RBM27: variants seen among roughly 807,000 people sequenced by gnomAD.
RBM27 encodes the protein RNA binding motif protein 27, also known as RNA-binding protein 27.
RBM27 carries 22 observed loss-of-function variants against 135.3 expected under a neutral mutation model. The ratio of observed to expected loss-of-function variants is 0.16; its 90% CI spans 0.12 to 0.23. RBM27 has a LOEUF of 0.23. Ranked by LOEUF, RBM27 falls within the 10% of genes least tolerant of loss-of-function variation. The pLI is 1.00. For missense variants in RBM27, 1,009 were observed against 1,281.0 expected (o/e 0.79, Z 3.24); for synonymous variants, 481 against 442.4 (o/e 1.09, Z -1.10).
At chr5:146,207,991 C>G (rs1166484560) in intron 1 of RBM27, among the ~76,000 whole-genome samples, 9 of 125,872 alleles carry the variant, frequency 7.2e-5, no homozygotes, top group Non-Finnish European at 1.1e-4. Flanking sequence ...GAGTCTTGCT[C>G]TGTTGCCCAG....
At chr5:146,234,525 A>AC (rs1046961167) in intron 7 of RBM27, among the ~76,000 whole-genome samples, 6 of 151,668 alleles carry the variant, frequency 4.0e-5, no homozygotes, top group African/African-American at 1.2e-4. Flanking sequence ...TATTTAAAAA[A>AC]AAAAATCAAT....
At chr5:146,217,388 G>A (rs1274550466) in intron 1 of RBM27, among the ~76,000 whole-genome samples, 1 of 151,508 alleles carries the variant, frequency 6.6e-6, no homozygotes, top group African/African-American at 2.4e-5. Flanking sequence ...TAAAGGTACT[G>A]GTGCTTGGTT....
intron 1 of RBM27, among the ~76,000 whole-genome samples, chr5:146,204,543 G>A (rs910625090): frequency 3.9e-5 from 6 of 152,056 alleles, no homozygotes; most frequent in Non-Finnish European, 7.4e-5. Flanking sequence ...ATAGAGGTTG[G>A]AAAAAAGAGG....
Position 146,218,971 on chromosome 5 carries a change from CTT to C in RBM27, c.60-12_60-11del. 1 of 1,540,992 alleles carries C rather than the reference CTT, an allele frequency of 6.5e-7. No individual in the cohort carries two copies. Among genetic ancestry groups the C allele is most frequent in the Non-Finnish European group, 8.8e-7 (1 of 1,139,344 alleles). ...GTGTTTTTTAAAATTTTTGTTTTCTCTTTGTCTAACTAGATGTGATGCTGATC... is the reference window on the plus strand; with the variant it reads ...GTGTTTTTTAAAATTTTTGTTTTCTCTGTCTAACTAGATGTGATGCTGATC... On this transcript the variant is annotated splice_polypyrimidine_tract_variant and intron_variant, in intron 1 of 20. Transcript: ENST00000265271.
chr5:146,260,912 T>C lies in RBM27; in HGVS notation c.1893+14T>C. 6.3e-7 allele frequency: 1 copy of C among 1,597,936 alleles called. No individual in the cohort carries two copies. On this transcript the variant is annotated intron_variant, in intron 12 of 20. Coordinates refer to ENST00000265271, the MANE Select transcript of RBM27 (RefSeq NM_018989.2). ...GTTAATATCCAGGTAAATGTGGCTATGTCAGTGACAGAATCCAGGCATTTT... is the reference window on the plus strand; with the variant it reads ...GTTAATATCCAGGTAAATGTGGCTACGTCAGTGACAGAATCCAGGCATTTT...
chr5:146,268,483 CCA>C (rs1758717828), intron 15 of RBM27, among the ~76,000 whole-genome samples: 1 of 152,118 alleles, frequency 6.6e-6, no homozygotes, highest in Non-Finnish European at 1.5e-5. Context: ...CTCAGGTGAT[CCA>C]CCTGCCTCGG....
chr5:146,250,983 G>C (rs921827142), intron 8 of RBM27, among the ~76,000 whole-genome samples: 1 of 151,696 alleles, frequency 6.6e-6, no homozygotes, highest in Non-Finnish European at 1.5e-5. Flanking sequence ...CATCATCTTG[G>C]CCAGGCTGGT....
intron 11 of RBM27, among the ~76,000 whole-genome samples, chr5:146,258,970 A>AC (rs1181912235): frequency 3.3e-5 from 5 of 151,970 alleles, no homozygotes; most frequent in African/African-American, 1.2e-4. Context: ...CTTGTTAGTC[A>AC]GGCTGGTCTC....
chr5:146,225,657 C>G (rs1019228465), intron 3 of RBM27, among the ~76,000 whole-genome samples: 5 of 151,664 alleles, frequency 3.3e-5, no homozygotes, highest in Non-Finnish European at 7.4e-5. Flanking sequence ...CTTCCACCTC[C>G]TGGGTTCAAG....
chr5:146,284,089 A>G (rs1759481670), intron 19 of RBM27, among the ~76,000 whole-genome samples: 1 of 152,208 alleles, frequency 6.6e-6, no homozygotes, highest in Non-Finnish European at 1.5e-5. Flanking sequence ...TTAGGATAGT[A>G]TTAGGCATTT....
chr5:146,272,165 T>C (rs1439745128), intron 19 of RBM27, among the ~76,000 whole-genome samples: 6 of 152,246 alleles, frequency 3.9e-5, no homozygotes, highest in African/African-American at 1.2e-4. Context: ...TCAGTAAATA[T>C]TTTATTGACA....
chr5:146,206,308 T>G (rs562698432), intron 1 of RBM27, among the ~76,000 whole-genome samples: 44 of 151,032 alleles, frequency 2.9e-4, no homozygotes, highest in Admixed American at 1.4e-3. Flanking sequence ...TTTTTGTTTT[T>G]TTTTTTTTCC....
chr5:146,214,510 C>T (rs1399064818), intron 1 of RBM27, among the ~76,000 whole-genome samples: 2 of 152,110 alleles, frequency 1.3e-5, no homozygotes, highest in East Asian at 1.9e-4. Flanking sequence ...TTGTGACATA[C>T]TTCTGGAAGT....
intron 8 of RBM27, among the ~76,000 whole-genome samples, chr5:146,238,478 C>T (rs773175944): frequency 1.3e-5 from 2 of 151,998 alleles, no homozygotes; most frequent in South Asian, 2.1e-4. Flanking sequence ...ACTGCACTCC[C>T]GCCTGGGTGA....
intron 19 of RBM27, among the ~76,000 whole-genome samples, chr5:146,273,795 A>C (rs765091463): frequency 3.9e-5 from 6 of 152,206 alleles, no homozygotes; most frequent in Non-Finnish European, 5.9e-5. Flanking sequence ...AAAATGATGG[A>C]TGGATTTTAA....
chr5:146,267,484 T>C (rs962568157), intron 14 of RBM27, among the ~76,000 whole-genome samples, 165 bp from the exon 15 acceptor site: 2 of 152,146 alleles, frequency 1.3e-5, no homozygotes, highest in Admixed American at 1.3e-4. Flanking sequence ...GGTGACAAAT[T>C]TATGCATAAA....
chr5:146,275,752 T>C (rs571952078), intron 19 of RBM27, among the ~76,000 whole-genome samples: 31 of 152,306 alleles, frequency 2.0e-4, no homozygotes, highest in Non-Finnish European at 4.3e-4. Flanking sequence ...ACTAAAGTAC[T>C]TCATCCCTGT....
chr5:146,208,884 G>T (rs1755820447), intron 1 of RBM27, among the ~76,000 whole-genome samples: 1 of 152,106 alleles, frequency 6.6e-6, no homozygotes, highest in South Asian at 2.1e-4. Context: ...ATTCACTGCT[G>T]CTTGTTTGGC....
chr5:146,261,688 A>C lies in RBM27; in HGVS notation c.2072A>C (p.Gln691Pro). The C allele has an allele frequency of 6.2e-7, 1 of 1,614,202 alleles. No individual in the cohort carries two copies. The highest frequency in any genetic ancestry group is 8.5e-7 in the Non-Finnish European group (1 of 1,180,036). ...TCCTCAGCACAGCTGCTCCTGCAAC[A>C]ACAGCAAACACTTAGTCACCTCTCA... The part of the protein sequence containing the change: ...LQSSAQLLLQ[Q>P]QQTLSHLSQQ... The change falls in exon 13 of 21, where the codon CAA becomes CCA. Residue 691 changes from glutamine (Q) to proline (P), a missense_variant. Physicochemically the swap from Gln to Pro is moderately conservative, Grantham distance 76. This residue lies in a region of RBM27 where 355 missense variants were observed against 427.3 expected (regional missense o/e 0.83). Transcript: ENST00000265271.
Sources: allele counts gnomAD v4.1 joint callset (sites outside exome capture counted in the v4.1 genomes callset), GRCh38; gene constraint gnomAD v4.1.1; regional missense constraint gnomAD v4.1.1; transcripts MANE v1.5; gene names NCBI Gene and HGNC (gene_info 2026-07-23, HGNC 2026-07-21).